TEKTIP1: variants seen among roughly 807,000 people sequenced by gnomAD.
TEKTIP1 encodes tektin bundle-interacting protein 1.
At chr19:3,543,307 G>A in the TEKTIP1 span, 34 of 1,549,128 alleles carry the variant, frequency 2.2e-5, no homozygotes, top group South Asian at 9.5e-5. Context: ...GGAAGTACAC[G>A]CCCATGGGAC....
the TEKTIP1 span, chr19:3,542,866 G>C: frequency 7.2e-7 from 1 of 1,388,424 alleles, no homozygotes. Context: ...GGCCAGGGGG[G>C]CTTCCCAGAG....
chr19:3,540,084 CT>C, the TEKTIP1 span: 3 of 132,100 alleles, frequency 2.3e-5, no homozygotes, highest in African/African-American at 8.7e-5. Flanking sequence ...AGACCCATCT[CT>C]TTTCTTTTTT....
At chr19:3,542,968 G>A in the TEKTIP1 span, 6 of 1,543,424 alleles carry the variant, frequency 3.9e-6, no homozygotes, top group Admixed American at 1.7e-5. Context: ...TCTTCTCCAG[G>A]CAAGAAAAGC....
chr19:3,539,877 G>T, the TEKTIP1 span: 1 of 152,274 alleles, frequency 6.6e-6, no homozygotes, highest in South Asian at 2.1e-4. Flanking sequence ...ATTATCAATT[G>T]TTTAAACAAT....
At chr19:3,543,043 T>G in the TEKTIP1 span, 1 of 1,602,808 alleles carries the variant, frequency 6.2e-7, no homozygotes, top group African/African-American at 1.4e-5. Flanking sequence ...AGAGGGGGAG[T>G]CAGCCTCTCT....
chr19:3,539,802 C>A, the TEKTIP1 span: 1 of 154,598 alleles, frequency 6.5e-6, no homozygotes, highest in Non-Finnish European at 1.4e-5. Flanking sequence ...CCAAACAAGG[C>A]CATGTCCTGA....
At chr19:3,541,729 AC>A in the TEKTIP1 span, 1 of 985,364 alleles carries the variant, frequency 1.0e-6, no homozygotes, top group Non-Finnish European at 1.2e-6. Flanking sequence ...GGGAGGAAAC[AC>A]CAGAAAGTAG....
chr19:3,543,633 G>C, the TEKTIP1 span: 1 of 1,544,142 alleles, frequency 6.5e-7, no homozygotes, highest in Admixed American at 2.0e-5. Flanking sequence ...AGCACCCGGT[G>C]GGGGAGCGCG....
At chr19:3,542,812 G>A in the TEKTIP1 span, 1 of 1,372,724 alleles carries the variant, frequency 7.3e-7, no homozygotes, top group Admixed American at 1.9e-5. Context: ...CCTGGGCCAT[G>A]GCTTAGTGCC....
At chr19:3,542,703 G>C in the TEKTIP1 span, 25 of 1,267,314 alleles carry the variant, frequency 2.0e-5, no homozygotes, top group Admixed American at 1.6e-4. Flanking sequence ...GGCTGGTCTC[G>C]AACTCCTGAC....
At chr19:3,543,009 G>C in the TEKTIP1 span, 1 of 1,601,672 alleles carries the variant, frequency 6.2e-7, no homozygotes, top group South Asian at 1.1e-5. Context: ...GCTGACTTGG[G>C]TGCTTGGGGT....
At chr19:3,543,882 G>A in the TEKTIP1 span, 13,814 of 1,550,502 alleles carry the variant, frequency 8.9e-3, 620 homozygotes, top group South Asian at 0.1. Context: ...ATCAGACTAC[G>A]TGCCCTCCCT....
At chr19:3,543,156 C>T in the TEKTIP1 span, 2,273 of 1,514,908 alleles carry the variant, frequency 1.5e-3, no homozygotes, top group Non-Finnish European at 1.8e-3. Flanking sequence ...CTACATCATC[C>T]ACCCTGGCAG....
chr19:3,539,394 TC>T, the TEKTIP1 span: 1 of 621,312 alleles, frequency 1.6e-6, no homozygotes, highest in South Asian at 1.9e-5. Flanking sequence ...GTGTGTGACG[TC>T]CCCTCCAGCT....
At chr19:3,542,624 C>G in the TEKTIP1 span, 3 of 781,196 alleles carry the variant, frequency 3.8e-6, no homozygotes, top group African/African-American at 3.8e-5. Flanking sequence ...CAGGTGCCCC[C>G]CGCCCCCACA....
chr19:3,543,722 AC>A, the TEKTIP1 span: 429 of 1,497,758 alleles, frequency 2.9e-4, no homozygotes, highest in Middle Eastern at 4.7e-4. Flanking sequence ...GGCCAGGGGG[AC>A]AAGGCCACCT....
the TEKTIP1 span, chr19:3,542,195 A>T: frequency 3.0e-6 from 3 of 985,404 alleles, no homozygotes; most frequent in Non-Finnish European, 3.6e-6. Flanking sequence ...TGATCTTGAA[A>T]TTGCCTTTCT....
chr19:3,543,654 ACAGGCCAATC>A, the TEKTIP1 span: 2 of 1,543,196 alleles, frequency 1.3e-6, no homozygotes, highest in South Asian at 2.4e-5. Context: ...CTGTGGAAAG[ACAGGCCAATC>A]CGGGGCAAGG....
chr19:3,543,482 C>CG, the TEKTIP1 span: 2 of 1,434,410 alleles, frequency 1.4e-6, no homozygotes, highest in African/African-American at 1.6e-5. Flanking sequence ...GGGTGAGTGC[C>CG]CCCCCCCCCG....
Sources: gnomAD v4.1 joint callset for allele counts on GRCh38, gnomAD v4.1.1 for gene constraint, MANE v1.5 for transcripts, NCBI Gene and HGNC (gene_info 2026-07-23, HGNC 2026-07-21) for gene names.